Variants in KAZN observed in about 807,000 individuals in gnomAD.
KAZN encodes the protein kazrin, periplakin interacting protein.
A neutral mutation model predicts 87.4 loss-of-function variants in KAZN; 40 were observed. The ratio of observed to expected loss-of-function variants is 0.46; its 90% confidence interval spans 0.36 to 0.60. The LOEUF (loss-of-function observed/expected upper bound fraction) is 0.60. Ranked by LOEUF, KAZN falls within the 20% of genes least tolerant of loss-of-function variation. The probability of loss-of-function intolerance (pLI) is 0.00; values close to 1 mark genes in which losing one functional copy is unlikely to be tolerated. For synonymous variants in KAZN, 466 were observed against 458.3 expected (o/e 1.02, Z -0.22); for missense variants, 898 against 1,073.9 (o/e 0.84, Z 2.29).
chr1:14,571,758 T>C (rs1358856042), intron 2 of KAZN, among the ~76,000 whole-genome samples: 1 of 152,122 alleles, frequency 6.6e-6, no homozygotes, highest in East Asian at 1.9e-4. Context: ...CAAGATTCCA[T>C]AGAGATTTAC....
At chr1:14,865,949 C>T (rs1017459924) in intron 1 of KAZN, among the ~76,000 whole-genome samples, 3 of 152,258 alleles carry the variant, frequency 2.0e-5, no homozygotes, top group South Asian at 4.2e-4. Context: ...AGATTCTCTC[C>T]TGAAGCCTTC....
chr1:14,250,715 T>A (rs4489553), intron 2 of KAZN, among the ~76,000 whole-genome samples: 15,619 of 152,018 alleles, frequency 0.1, 1,685 homozygotes, highest in African/African-American at 0.26. Flanking sequence ...AACTAAATAT[T>A]TCCTGCTTTT....
At chr1:14,398,805 G>A (rs1213898617) in intron 2 of KAZN, among the ~76,000 whole-genome samples, 1 of 152,164 alleles carries the variant, frequency 6.6e-6, no homozygotes, top group African/African-American at 2.4e-5. Context: ...TCCAGACCAC[G>A]TGGTCAAGCA....
At chr1:14,527,594 T>A (rs1419696597) in intron 2 of KAZN, among the ~76,000 whole-genome samples, 1 of 150,454 alleles carries the variant, frequency 6.6e-6, no homozygotes, top group Non-Finnish European at 1.5e-5. Context: ...CTCATGGTTC[T>A]GCAGACTGAG....
intron 10 of KAZN, 97 bp from the exon 11 acceptor site, chr1:15,101,446 C>T (rs949465623): frequency 3.1e-5 from 25 of 797,728 alleles, no homozygotes; most frequent in Non-Finnish European, 4.8e-5. Flanking sequence ...AACCCCATTG[C>T]TTTTCCTCTC....
intron 2 of KAZN, among the ~76,000 whole-genome samples, chr1:14,332,766 A>G (rs1179429902): frequency 6.6e-6 from 1 of 152,108 alleles, no homozygotes; most frequent in Non-Finnish European, 1.5e-5. Flanking sequence ...GAGTTTTTAC[A>G]CCTGAAGGAG....
chr1:14,637,635 G>T (rs1680092796), intron 1 of KAZN, among the ~76,000 whole-genome samples: 1 of 152,090 alleles, frequency 6.6e-6, no homozygotes, highest in African/African-American at 2.4e-5. Flanking sequence ...TGTGTGTGTG[G>T]GGGCGGGTGT....
intron 2 of KAZN, among the ~76,000 whole-genome samples, chr1:14,412,587 T>C (rs1664393331): frequency 6.6e-6 from 1 of 152,052 alleles, no homozygotes; most frequent in Admixed American, 6.5e-5. Flanking sequence ...GAGAAATGTA[T>C]GAAACTTTAT....
chr1:14,973,207 A>G (rs1665260466), intron 2 of KAZN, among the ~76,000 whole-genome samples: 2 of 152,204 alleles, frequency 1.3e-5, no homozygotes, highest in South Asian at 2.1e-4. Context: ...CTAAAATATT[A>G]CTAGAATCCC....
At chr1:14,480,772 AAT>A (rs1669038745) in intron 2 of KAZN, among the ~76,000 whole-genome samples, 1 of 145,904 alleles carries the variant, frequency 6.9e-6, no homozygotes, top group African/African-American at 2.5e-5. Flanking sequence ...AAAAATATAT[AAT>A]ATATATAATA....
chr1:15,050,476 G>A (rs1461847817), intron 4 of KAZN, among the ~76,000 whole-genome samples: 31 of 152,216 alleles, frequency 2.0e-4, no homozygotes, highest in Admixed American at 2.0e-3. Context: ...GCCACCACAG[G>A]CCCAGACGAG....
chr1:13,991,157 G>T (rs1053858672), intron 1 of KAZN, among the ~76,000 whole-genome samples: 1 of 152,014 alleles, frequency 6.6e-6, no homozygotes, highest in Admixed American at 6.6e-5. Context: ...GAAGGGCAGC[G>T]AGGCTTCTGT....
intron 1 of KAZN, among the ~76,000 whole-genome samples, chr1:14,699,702 G>C (rs1253841039): frequency 6.6e-6 from 1 of 152,222 alleles, no homozygotes; most frequent in Non-Finnish European, 1.5e-5. Context: ...TGCATGACAA[G>C]AACGAACCAG....
At chr1:14,368,677 C>T (rs1660211867) in intron 2 of KAZN, among the ~76,000 whole-genome samples, 1 of 152,170 alleles carries the variant, frequency 6.6e-6, no homozygotes, top group Admixed American at 6.5e-5. Flanking sequence ...GCTGTTGGCT[C>T]CTTGGAGTTC....
chr1:14,703,196 T>C (rs2148808691), intron 1 of KAZN, among the ~76,000 whole-genome samples: 1 of 152,262 alleles, frequency 6.6e-6, no homozygotes, highest in Middle Eastern at 3.4e-3. Flanking sequence ...AGGAGATTGG[T>C]CAAGAGTAGG....
At chr1:15,075,782 C>T (rs1312930566) in intron 8 of KAZN, among the ~76,000 whole-genome samples, 9 of 152,166 alleles carry the variant, frequency 5.9e-5, no homozygotes, top group East Asian at 3.9e-4. Flanking sequence ...TTGGAAATGC[C>T]GGTCCCAGGG....
intron 1 of KAZN, among the ~76,000 whole-genome samples, chr1:14,142,999 G>T (rs529467595): frequency 2.0e-5 from 3 of 152,070 alleles, no homozygotes; most frequent in African/African-American, 4.8e-5. Flanking sequence ...AGGCCAGCAT[G>T]AGCCAAAGTT....
chr1:14,223,044 G>C (rs1445287884), intron 2 of KAZN: 1 of 152,140 alleles, frequency 6.6e-6, no homozygotes, highest in Non-Finnish European at 1.5e-5. Context: ...CTAGGGCTGA[G>C]GGAGCTTACC....
At chr1:14,326,424 G>A (rs895791552) in intron 2 of KAZN, among the ~76,000 whole-genome samples, 1 of 152,156 alleles carries the variant, frequency 6.6e-6, no homozygotes, top group African/African-American at 2.4e-5. Flanking sequence ...ACCTGATCAA[G>A]CCACCATCTC....
Sources: gnomAD v4.1 joint callset for allele counts (sites outside exome capture counted in the v4.1 genomes callset) on GRCh38, gnomAD v4.1.1 for gene constraint, MANE v1.5 for transcripts, NCBI Gene and HGNC (gene_info 2026-07-23, HGNC 2026-07-21) for gene names.